RHOT1: variants seen among roughly 807,000 people sequenced by gnomAD.
RHOT1 encodes the protein ras homolog family member T1, also known as mitochondrial Rho GTPase 1.
A neutral mutation model predicts 95.3 loss-of-function variants in RHOT1; 27 were observed. The observed-to-expected ratio is 0.28, with a 90% CI of 0.21 to 0.39. RHOT1 has a LOEUF of 0.39. Ranked by LOEUF, RHOT1 falls within the 10% of genes least tolerant of loss-of-function variation. The probability of loss-of-function intolerance (pLI) is 1.00; values close to 1 mark genes in which losing one functional copy is unlikely to be tolerated. For synonymous variants in RHOT1, 227 were observed against 263.5 expected (o/e 0.86, Z 1.34); for missense variants, 578 against 786.7 (o/e 0.73, Z 3.17).
intron 8 of RHOT1, among the ~76,000 whole-genome samples, chr17:32,190,864 C>T (rs866689192): frequency 2.6e-5 from 4 of 152,120 alleles, no homozygotes; most frequent in Admixed American, 6.5e-5. Context: ...GATGGAATAT[C>T]GGCTCACTGC....
intron 1 of RHOT1, among the ~76,000 whole-genome samples, chr17:32,146,748 G>A (rs1327193970): frequency 2.2e-5 from 3 of 138,460 alleles, no homozygotes; most frequent in African/African-American, 5.5e-5. Context: ...GTGAGCCACC[G>A]CGCCCGGCCT....
chr17:32,155,314 C>T (rs779726981), intron 1 of RHOT1, among the ~76,000 whole-genome samples: 1 of 151,806 alleles, frequency 6.6e-6, no homozygotes, highest in Non-Finnish European at 1.5e-5. Flanking sequence ...TGCCCACCAC[C>T]ACGCCTGGCT....
chr17:32,199,816 T>TG (rs2037175560), intron 13 of RHOT1, among the ~76,000 whole-genome samples: 1 of 152,224 alleles, frequency 6.6e-6, no homozygotes, highest in Non-Finnish European at 1.5e-5. Context: ...ACTTTTTTGT[T>TG]TGATTAAGGG....
chr17:32,206,085 TG>T (rs1273348427), intron 16 of RHOT1, among the ~76,000 whole-genome samples: 6 of 152,042 alleles, frequency 3.9e-5, no homozygotes, highest in Non-Finnish European at 5.9e-5. Context: ...CATGGGCAGC[TG>T]ACTTAATCTT....
At chr17:32,209,551 A>ACCCTGAGTTAC in intron 18 of RHOT1, 1 of 657,950 alleles carries the variant, frequency 1.5e-6, no homozygotes, top group African/African-American at 1.8e-5. Context: ...AATTATGTAG[A>ACCCTGAGTTAC]AACGCACTGC....
chr17:32,212,117 A>G (rs958609899), intron 19 of RHOT1, among the ~76,000 whole-genome samples: 2 of 152,218 alleles, frequency 1.3e-5, no homozygotes, highest in African/African-American at 4.8e-5. Flanking sequence ...CTTGATTAAG[A>G]TCAAGCTAAA....
intron 1 of RHOT1, among the ~76,000 whole-genome samples, chr17:32,162,606 C>T (rs1255718593): frequency 6.6e-6 from 1 of 152,160 alleles, no homozygotes; most frequent in Non-Finnish European, 1.5e-5. Flanking sequence ...AGCAGTACCA[C>T]TGTGCTTGGG....
chr17:32,150,889 G>C, intron 1 of RHOT1: 1 of 1,543,546 alleles, frequency 6.5e-7, no homozygotes, highest in South Asian at 1.2e-5. Context: ...ATAAGCACTG[G>C]GGGATGTTCT....
At position 32,187,709 on chromosome 17, in the gene RHOT1, C is replaced by T. The variant is rs113279657; in HGVS notation, c.540+4437C>T. Among the ~76,000 whole-genome samples, 8 of 152,230 alleles carry T rather than the reference C, an allele frequency of 5.3e-5. No homozygotes were observed. In the South Asian group the frequency reaches 8.3e-4, roughly 16 times the overall value. ...TCAGCCTCCCAAGTAGCTGGGACTA[C>T]GGGCATGTGCCACCACATCCAGCTA... is the stretch of plus-strand genomic sequence containing the variant. On this transcript the variant is annotated intron_variant, in intron 8 of 19. Transcript: ENST00000545287.
intron 6 of RHOT1, 33 bp from the exon 7 acceptor site, chr17:32,182,724 C>T (rs2035740337): frequency 8.2e-7 from 1 of 1,221,102 alleles, no homozygotes; most frequent in Non-Finnish European, 1.2e-6. Flanking sequence ...TGTCTTTTGC[C>T]TTCCTTATTA....
At chr17:32,224,594 T>C (rs750301162) in intron 19 of RHOT1, 22 bp from the exon 20 acceptor site, 1 of 1,514,846 alleles carries the variant, frequency 6.6e-7, no homozygotes, top group South Asian at 1.2e-5. Context: ...TTTTAAATAA[T>C]AATTATATTT....
chr17:32,152,134 T>C (rs2032384952), intron 1 of RHOT1, among the ~76,000 whole-genome samples: 2 of 152,228 alleles, frequency 1.3e-5, no homozygotes. Flanking sequence ...CCCCACTCTT[T>C]GTTACCACTG....
chr17:32,196,917 T>G lies in RHOT1; in HGVS notation c.870-2030T>G, dbSNP rs930282716. On this transcript the variant is annotated intron_variant, in intron 11 of 19. Transcript: ENST00000545287. ...GGTGGGTGAATCACGAGGTCAGGAG[T>G]TCGAGACCAGCCTGGCCAACATGGC... Among the ~76,000 whole-genome samples, 6 of 151,768 alleles carry G rather than the reference T, an allele frequency of 4.0e-5. No homozygotes were observed. In the South Asian group the frequency reaches 1.2e-3, roughly 32 times the overall value.
chr17:32,201,722 A>G (rs549089804), intron 14 of RHOT1, among the ~76,000 whole-genome samples: 3 of 152,370 alleles, frequency 2.0e-5, no homozygotes, highest in African/African-American at 7.2e-5. Context: ...TTCTGTATCA[A>G]TAGGTATACT....
intron 1 of RHOT1, among the ~76,000 whole-genome samples, chr17:32,153,474 CAT>C (rs1198944893): frequency 6.6e-6 from 1 of 152,152 alleles, no homozygotes; most frequent in African/African-American, 2.4e-5. Context: ...GTCTGGGGAA[CAT>C]AATGAGAACC....
intron 1 of RHOT1, among the ~76,000 whole-genome samples, chr17:32,161,947 C>T (rs918660929): frequency 2.6e-5 from 4 of 152,198 alleles, no homozygotes; most frequent in Non-Finnish European, 5.9e-5. Flanking sequence ...GAGTCCCGAG[C>T]TCAGGAGCTT....
intron 6 of RHOT1, among the ~76,000 whole-genome samples, chr17:32,181,589 G>A (rs1479630982): frequency 1.3e-5 from 2 of 152,062 alleles, no homozygotes; most frequent in Non-Finnish European, 2.9e-5. Context: ...AACATATACT[G>A]AGGTACATAC....
intron 6 of RHOT1, among the ~76,000 whole-genome samples, chr17:32,181,684 G>A (rs976874974): frequency 6.6e-6 from 1 of 152,136 alleles, no homozygotes; most frequent in Non-Finnish European, 1.5e-5. Flanking sequence ...GAAGCAAATA[G>A]AGACATTATT....
intron 16 of RHOT1, among the ~76,000 whole-genome samples, chr17:32,206,635 A>ACTTT (rs796562320): frequency 4.4e-4 from 67 of 151,480 alleles, no homozygotes; most frequent in African/African-American, 1.5e-3. Context: ...TTGTATTTTT[A>ACTTT]GTATAGGCAG....
Sources: gnomAD v4.1 joint callset for allele counts (sites outside exome capture counted in the v4.1 genomes callset) on GRCh38, gnomAD v4.1.1 for gene constraint, MANE v1.5 for transcripts, NCBI Gene and HGNC (gene_info 2026-07-23, HGNC 2026-07-21) for gene names.